The following CAPS2 variants were observed in gnomAD, a reference collection of about 807,000 sequenced individuals.
The protein encoded by CAPS2 is calcyphosine 2, also known as calcyphosin-2.
A neutral mutation model predicts 86.5 loss-of-function variants in CAPS2; 98 were observed. The ratio of observed to expected loss-of-function variants is 1.13; its 90% CI spans 0.96 to 1.34. The LOEUF (loss-of-function observed/expected upper bound fraction) is 1.34, where lower values mean the gene tolerates loss of function less well. CAPS2 is among the 40% of genes most tolerant of loss of function. The pLI is 0.00. For missense variants in CAPS2, 729 were observed against 686.8 expected (o/e 1.06, Z -0.69); for synonymous variants, 210 against 225.1 (o/e 0.93, Z 0.60).
At chr12:75,285,509 A>G (rs1201710609) in intron 14 of CAPS2, among the ~76,000 whole-genome samples, 3 of 151,984 alleles carry the variant, frequency 2.0e-5, no homozygotes, top group Non-Finnish European at 2.9e-5. Context: ...ATACATTATT[A>G]TAAACTATAG....
In CAPS2 at chr12:75,367,501, C is replaced by T. The variant is rs188475998; in HGVS notation, c.-395+23337G>A. Reference sequence around the variant, plus strand: ...AGGGTCAGAGTCATCAATATAACCACCTTCCATCTCCACGTCGTGTACCAC... The same window carrying T: ...AGGGTCAGAGTCATCAATATAACCATCTTCCATCTCCACGTCGTGTACCAC... On this transcript the variant is annotated intron_variant, in intron 1 of 5. Transcript: ENST00000551829. Among the ~76,000 whole-genome samples, 10 of 151,944 alleles carry T rather than the reference C, an allele frequency of 6.6e-5. No homozygotes were observed. In the East Asian group the frequency reaches 1.7e-3, roughly 26 times the overall value.
chr12:75,366,904 C>T (rs1457189664), intron 1 of CAPS2: 3 of 701,626 alleles, frequency 4.3e-6, no homozygotes, highest in Non-Finnish European at 7.8e-6. Context: ...AGGGCCACTG[C>T]ATGTCAAAAG....
exon 4 of CAPS2, chr12:75,323,021 C>T: frequency 6.5e-7 from 1 of 1,550,186 alleles, no homozygotes; most frequent in Non-Finnish European, 8.7e-7. Flanking sequence ...CATGGTGTGA[C>T]CCAGCCAAGA....
intron 1 of CAPS2, among the ~76,000 whole-genome samples, chr12:75,385,488 AG>A (rs1467314589): frequency 1.3e-5 from 2 of 152,198 alleles, no homozygotes; most frequent in African/African-American, 4.8e-5. Flanking sequence ...TACAAAAAAA[AG>A]CTATAGCTAA....
chr12:75,306,248 G>T, intron 7 of CAPS2: 1 of 642,454 alleles, frequency 1.6e-6, no homozygotes, highest in Non-Finnish European at 2.8e-6. Flanking sequence ...GCAAATCATG[G>T]AGTTCCTGGC....
chr12:75,276,115 C>T, downstream of CAPS2: 1 of 1,308,832 alleles, frequency 7.6e-7, no homozygotes, highest in Non-Finnish European at 1.0e-6. Flanking sequence ...CGAATACATC[C>T]ATGTCCACCC....
chr12:75,357,295 G>A (rs969906212), intron 1 of CAPS2, among the ~76,000 whole-genome samples: 1 of 151,954 alleles, frequency 6.6e-6, no homozygotes, highest in African/African-American at 2.4e-5. Context: ...ATGATAATTG[G>A]GTTAATTAAT....
intron 1 of CAPS2, among the ~76,000 whole-genome samples, chr12:75,368,888 G>A (rs191147577): frequency 1.1e-3 from 170 of 151,912 alleles, no homozygotes; most frequent in African/African-American, 4.0e-3. Context: ...ATTTGGGTTT[G>A]TGGAAGACTT....
chr12:75,376,885 C>T (rs533010225), intron 1 of CAPS2, among the ~76,000 whole-genome samples: 12 of 152,240 alleles, frequency 7.9e-5, no homozygotes, highest in African/African-American at 1.2e-4. Flanking sequence ...CAATCTTAGA[C>T]GATCTGAGGC....
chr12:75,283,619 G>C (rs151140915), intron 15 of CAPS2, among the ~76,000 whole-genome samples: 441 of 152,170 alleles, frequency 2.9e-3, no homozygotes, highest in African/African-American at 5.9e-3. Context: ...TTCAAGACCA[G>C]CTTGGCCAAC....
intron 1 of CAPS2, among the ~76,000 whole-genome samples, chr12:75,357,315 A>G (rs1422253753): frequency 2.0e-5 from 3 of 152,208 alleles, no homozygotes; most frequent in African/African-American, 7.2e-5. Context: ...TCAAGAGAAC[A>G]TAAGAGTCCT....
Position 75,323,190 on chromosome 12 carries a change from TC to T in CAPS2, c.163del (p.Asp55ThrfsTer40). On this transcript the variant is annotated frameshift_variant, in exon 3 of 17. Coordinates refer to ENST00000393284, the Ensembl canonical transcript of CAPS2. LOFTEE classifies it high-confidence loss of function. ...AATAAAAATTACCTCATCATCAGAGTCAACAAGGCTTCCCAAATCAAGTCGT... is the reference window on the plus strand; with the variant it reads ...AATAAAAATTACCTCATCATCAGAGTAACAAGGCTTCCCAAATCAAGTCGT... 1 of 1,543,104 alleles carries T rather than the reference TC, an allele frequency of 6.5e-7. No homozygotes were observed. The highest frequency in any genetic ancestry group is 8.8e-7 in the Non-Finnish European group (1 of 1,142,610).
intron 11 of CAPS2, chr12:75,295,275 T>C (rs2036689879): frequency 6.6e-6 from 1 of 152,218 alleles, no homozygotes; most frequent in Non-Finnish European, 1.5e-5. Flanking sequence ...ATTTAAAGCT[T>C]TGTGTTTTTT....
At chr12:75,306,242 A>AGGCCT in intron 7 of CAPS2, 1 of 643,116 alleles carries the variant, frequency 1.6e-6, no homozygotes, top group South Asian at 1.8e-5. Context: ...GAACATGCAA[A>AGGCCT]TCATGGAGTT....
chr12:75,349,380 C>A (rs2042658447), intron 1 of CAPS2, among the ~76,000 whole-genome samples: 1 of 151,866 alleles, frequency 6.6e-6, no homozygotes, highest in African/African-American at 2.4e-5. Flanking sequence ...ACAACAACAG[C>A]AAAAAAACTC....
intron 11 of CAPS2, among the ~76,000 whole-genome samples, chr12:75,296,042 T>C (rs2036816440): frequency 6.6e-6 from 1 of 152,172 alleles, no homozygotes; most frequent in Non-Finnish European, 1.5e-5. Flanking sequence ...TGAAATATTA[T>C]CCTGGATTTA....
At chr12:75,285,264 T>C (rs568455025) in intron 14 of CAPS2, among the ~76,000 whole-genome samples, 184 bp from the exon 15 acceptor site, 33 of 152,164 alleles carry the variant, frequency 2.2e-4, no homozygotes, top group Non-Finnish European at 4.1e-4. Flanking sequence ...GAATCTGTGG[T>C]GAATGGTTCT....
At chr12:75,374,867 C>T (rs765850787) in intron 1 of CAPS2, among the ~76,000 whole-genome samples, 6 of 152,172 alleles carry the variant, frequency 3.9e-5, no homozygotes, top group Admixed American at 6.5e-5. Context: ...ACACATGGTA[C>T]AGCAGCTGCA....
intron 6 of CAPS2, among the ~76,000 whole-genome samples, chr12:75,313,540 A>G (rs1439079345): frequency 6.6e-6 from 1 of 152,194 alleles, no homozygotes. Flanking sequence ...TTCCTCTTAA[A>G]CTATTTTTAC....
Sources: gnomAD v4.1 joint callset for allele counts (sites outside exome capture counted in the v4.1 genomes callset) on GRCh38, gnomAD v4.1.1 for gene constraint, MANE v1.5 for transcripts, NCBI Gene and HGNC (gene_info 2026-07-23, HGNC 2026-07-21) for gene names.